Variants in VEPH1 observed in about 807,000 individuals in gnomAD.
The protein encoded by VEPH1 is ventricular zone expressed PH domain containing 1.
A neutral mutation model predicts 85.2 loss-of-function variants in VEPH1; 80 were observed. The observed-to-expected ratio is 0.94, with a 90% CI of 0.78 to 1.13. The LOEUF (loss-of-function observed/expected upper bound fraction) is 1.13. Ranked by LOEUF, VEPH1 falls within the 50% of genes most tolerant of loss-of-function variation. The pLI is 0.00. For missense variants in VEPH1, 955 were observed against 980.5 expected, an observed-to-expected ratio of 0.97 and a Z score of 0.35; for synonymous variants, 297 against 348.0, an observed-to-expected ratio of 0.85 and a Z score of 1.63.
intron 5 of VEPH1, among the ~76,000 whole-genome samples, chr3:157,418,169 A>C (rs927060346): frequency 5.3e-5 from 8 of 152,176 alleles, no homozygotes; most frequent in Non-Finnish European, 1.2e-4. Flanking sequence ...TTTAGTGGGC[A>C]AAGGAGTGGA....
At chr3:157,429,281 AT>A (rs972845833) in intron 4 of VEPH1, among the ~76,000 whole-genome samples, 4 of 152,126 alleles carry the variant, frequency 2.6e-5, no homozygotes, top group African/African-American at 9.7e-5. Context: ...TTGAACAAGA[AT>A]TTTTTTGACT....
intron 6 of VEPH1, among the ~76,000 whole-genome samples, chr3:157,383,760 G>A (rs903630083): frequency 3.9e-5 from 6 of 152,176 alleles, no homozygotes; most frequent in Non-Finnish European, 7.3e-5. Flanking sequence ...ATTCATCAAA[G>A]AATAATGTTA....
chr3:157,434,106 T>G (rs1005880481), intron 4 of VEPH1, among the ~76,000 whole-genome samples: 6 of 152,218 alleles, frequency 3.9e-5, no homozygotes, highest in African/African-American at 1.4e-4. Context: ...TTTCTTTGTA[T>G]CATAATTTAA....
Position 157,286,598 on chromosome 3 carries a change from G to T in VEPH1, c.2087C>A (p.Ala696Glu). The T allele has an allele frequency of 6.2e-7, 1 of 1,614,108 alleles. No individual in the cohort carries two copies. Among genetic ancestry groups the T allele is most frequent in the Non-Finnish European group, 8.5e-7 (1 of 1,179,970 alleles). ...ATTGTTGCACATGAAGCATTGCCAT[G>T]CTCCTGCTGTTTCACTGAAGCCAAA... Reference protein sequence around the residue: ...DVFGFSETAGAWQCFMCNNPE... With the variant: ...DVFGFSETAGEWQCFMCNNPE... The change falls in exon 12 of 14, where the codon GCA (alanine) becomes GAA (glutamate). Residue 696 changes from alanine to glutamate, a missense_variant. Physicochemically the swap from Ala to Glu is moderately radical, Grantham distance 107. Transcript: ENST00000362010.
chr3:157,303,573 A>G (rs890357962), intron 11 of VEPH1, among the ~76,000 whole-genome samples: 1 of 152,076 alleles, frequency 6.6e-6, no homozygotes, highest in Non-Finnish European at 1.5e-5. Flanking sequence ...CTGTATTTCA[A>G]TTTCTACCAC....
chr3:157,313,906 G>T, intron 10 of VEPH1, 151 bp from the exon 11 acceptor site: 2 of 1,015,452 alleles, frequency 2.0e-6, no homozygotes, highest in Non-Finnish European at 1.4e-6. Flanking sequence ...CTTAAAGATC[G>T]AACATATGGG....
chr3:157,410,546 T>A (rs1298362683), intron 6 of VEPH1, among the ~76,000 whole-genome samples: 1 of 152,162 alleles, frequency 6.6e-6, no homozygotes, highest in Non-Finnish European at 1.5e-5. Flanking sequence ...TCCACAAGGT[T>A]TTATTTAGAA....
chr3:157,459,931 G>C (rs1320976469), intron 4 of VEPH1: 3 of 1,537,062 alleles, frequency 2.0e-6, no homozygotes, highest in Non-Finnish European at 1.7e-6. Flanking sequence ...TTCAAACTGA[G>C]AAACACAGAT....
At chr3:157,341,716 A>ATAAT (rs1343225822) in intron 9 of VEPH1, among the ~76,000 whole-genome samples, 1 of 152,168 alleles carries the variant, frequency 6.6e-6, no homozygotes, top group African/African-American at 2.4e-5. Context: ...TCCAAGACAC[A>ATAAT]TAATTGTCAG....
intron 11 of VEPH1, among the ~76,000 whole-genome samples, chr3:157,290,477 A>G (rs1403106): frequency 0.22 from 33,377 of 152,070 alleles, 4,461 homozygotes; most frequent in Admixed American, 0.41. Context: ...ATTATTGAAA[A>G]CTAATACTGA....
chr3:157,326,961 A>T (rs923251421), intron 9 of VEPH1, among the ~76,000 whole-genome samples: 2 of 152,158 alleles, frequency 1.3e-5, no homozygotes, highest in Non-Finnish European at 2.9e-5. Context: ...GTAGCTGAGG[A>T]TCTTGCTGGT....
At chr3:157,483,488 CAAA>C (rs1738326389) in intron 2 of VEPH1, among the ~76,000 whole-genome samples, 1 of 151,990 alleles carries the variant, frequency 6.6e-6, no homozygotes, top group Non-Finnish European at 1.5e-5. Flanking sequence ...CCTCAAATTA[CAAA>C]ATTATATATT....
intron 7 of VEPH1, among the ~76,000 whole-genome samples, chr3:157,366,462 C>T (rs966393979): frequency 1.3e-5 from 2 of 152,014 alleles, no homozygotes; most frequent in African/African-American, 2.4e-5. Flanking sequence ...CTGCCAGGCA[C>T]GGTGGCTTAT....
intron 9 of VEPH1, among the ~76,000 whole-genome samples, chr3:157,357,510 TG>T (rs1725573172): frequency 6.6e-6 from 1 of 151,818 alleles, no homozygotes; most frequent in African/African-American, 2.4e-5. Context: ...TTTTTTTTTT[TG>T]AGATAGAGTC....
At chr3:157,423,277 G>T (rs992584105) in intron 5 of VEPH1, among the ~76,000 whole-genome samples, 6 of 152,214 alleles carry the variant, frequency 3.9e-5, no homozygotes, top group Non-Finnish European at 8.8e-5. Flanking sequence ...GTGCAAAAGG[G>T]ACAGTGCATA....
intron 4 of VEPH1, among the ~76,000 whole-genome samples, chr3:157,445,475 G>A (rs1002672640): frequency 3.9e-5 from 6 of 152,106 alleles, no homozygotes; most frequent in African/African-American, 1.4e-4. Flanking sequence ...CAAAAAATGA[G>A]CCAGGCATGG....
intron 4 of VEPH1, among the ~76,000 whole-genome samples, chr3:157,446,494 G>A (rs900931067): frequency 6.6e-6 from 1 of 152,158 alleles, no homozygotes; most frequent in Non-Finnish European, 1.5e-5. Flanking sequence ...AGCATATAGT[G>A]TAGAATTGTA....
In VEPH1 at chr3:157,308,299, T is replaced by G. The variant is rs1215936912; in HGVS notation, c.2010+5322A>C. ...CAGGTATCCTTGTTTAATTTCTAATTATAGCAAACACCTTTACATTTTTTC... is the reference window on the plus strand; with the variant it reads ...CAGGTATCCTTGTTTAATTTCTAATGATAGCAAACACCTTTACATTTTTTC... On this transcript the variant is annotated intron_variant, in intron 11 of 13. Coordinates refer to ENST00000362010, the MANE Select transcript of VEPH1 (RefSeq NM_001167912.2). 3.9e-5 allele frequency among the ~76,000 whole-genome samples: 6 copies of G among 151,966 alleles called. No individual in the cohort carries two copies. The East Asian group carries it at 1.2e-3, about 29-fold the overall frequency.
chr3:157,282,558 CGAG>C, intron 12 of VEPH1, among the ~76,000 whole-genome samples: 1 of 152,154 alleles, frequency 6.6e-6, no homozygotes, highest in Middle Eastern at 3.2e-3. Flanking sequence ...TTAGATTTAT[CGAG>C]GAGGACAGGA....
Sources: allele counts gnomAD v4.1 joint callset (sites outside exome capture counted in the v4.1 genomes callset), GRCh38; gene constraint gnomAD v4.1.1; transcripts MANE v1.5; gene names NCBI Gene and HGNC (gene_info 2026-07-23, HGNC 2026-07-21).